SMG5: variants seen among roughly 807,000 people sequenced by gnomAD.
The protein encoded by SMG5 is SMG5 nonsense mediated mRNA decay factor.
SMG5 carries 53 observed loss-of-function variants against 122.9 expected under a neutral mutation model. The observed-to-expected ratio is 0.43, with a 90% CI of 0.35 to 0.54. The LOEUF (loss-of-function observed/expected upper bound fraction) is 0.54, where lower values mean the gene tolerates loss of function less well. Ranked by LOEUF, SMG5 falls within the 20% of genes least tolerant of loss-of-function variation. The pLI is 0.01. For missense variants in SMG5, 1,153 were observed against 1,285.6 expected, an observed-to-expected ratio of 0.90 and a Z score of 1.58; for synonymous variants, 477 against 490.2, an observed-to-expected ratio of 0.97 and a Z score of 0.35.
At position 156,263,556 on chromosome 1, in the gene SMG5, A is replaced by G; in HGVS notation, c.1870T>C (p.Ser624Pro). ...CTGGACTCACTCCCCTCCGACTCAG[A>G]GCCCTCCTCAGAGGCTGGGGGGTGG... ...KPSEPASEEG[S>P]ESEGSESSGR... The change falls in exon 13 of 22, where the codon TCT becomes CCT. Residue 624 changes from serine (S) to proline (P), a missense_variant. Transcript: ENST00000361813. 6.2e-7 allele frequency: 1 copy of G among 1,613,738 alleles called. No individual in the cohort carries two copies. The highest frequency in any genetic ancestry group is 8.5e-7 in the Non-Finnish European group (1 of 1,179,742).
chr1:156,285,200 G>C, upstream of SMG5: 1 of 1,517,184 alleles, frequency 6.6e-7, no homozygotes, highest in South Asian at 1.3e-5. Context: ...ATGACCTTGT[G>C]GTAGATCCCA....
intron 12 of SMG5, among the ~76,000 whole-genome samples, chr1:156,264,363 G>A (rs1394945107): frequency 2.7e-5 from 4 of 149,384 alleles, no homozygotes; most frequent in Non-Finnish European, 5.9e-5. Context: ...TCACATCTCT[G>A]AGCATCCCTC....
chr1:156,265,971 T>G lies in SMG5; in HGVS notation c.1665A>C (p.Pro555=), dbSNP rs755574473. 9 of 1,614,182 alleles carry G rather than the reference T, an allele frequency of 5.6e-6. No individual in the cohort carries two copies. In the South Asian group the frequency reaches 8.8e-5, roughly 16 times the overall value. ...CAATGCTAGCCTCACTGGGGCCCAG[T>G]GGGCCATTGAGGGAATCGGGAGCCT... ...RSEAPDSLNG[P]LGPSEASIAS... Residue 555 remains proline, a synonymous_variant, in exon 12 of 22, where the codon CCA becomes CCC. Transcript: ENST00000361813.
chr1:156,282,483 T>C, intron 1 of SMG5, 124 bp downstream of exon 1: 1 of 1,024,164 alleles, frequency 9.8e-7, no homozygotes, highest in South Asian at 1.5e-5. Context: ...GCCTCCAAAA[T>C]TGCACCCTCC....
At chr1:156,285,252 T>C (rs779757060), upstream of SMG5, 2 of 1,549,430 alleles carry the variant, frequency 1.3e-6, no homozygotes, top group Non-Finnish European at 8.7e-7. Flanking sequence ...ACCCTGGCCC[T>C]ACTGGAAGTG....
intron 8 of SMG5, 29 bp downstream of exon 8, chr1:156,268,261 A>C: frequency 2.5e-6 from 4 of 1,613,914 alleles, no homozygotes; most frequent in Non-Finnish European, 3.4e-6. Flanking sequence ...CTGCAGAAAA[A>C]ACCCGTCCTC....
rs968061335 is a variant in SMG5, at chr1:156,265,668, A to C, written c.1855+113T>G. 3 of 1,468,822 alleles carry C rather than the reference A, an allele frequency of 2.0e-6. No homozygotes were observed. In the African/African-American group the frequency reaches 4.2e-5, roughly 21 times the overall value. 91.0% of individuals were successfully genotyped at this position (1,468,822 alleles called of 1,614,324 possible). A position where few individuals can be genotyped will look rare whatever the true frequency, so the allele number is the denominator to read the frequency against. On this transcript the variant is annotated intron_variant, in intron 12 of 21. Transcript: ENST00000361813. ...GGCTACACCACAGGCAGAGGGCCAA[A>C]GGTAAGGGTAGAGACGAGAGGTCAT...
chr1:156,261,932 T>C (rs542792080), intron 13 of SMG5, among the ~76,000 whole-genome samples: 23 of 146,780 alleles, frequency 1.6e-4, no homozygotes, highest in African/African-American at 5.6e-4. Context: ...CGTGGTGGCA[T>C]GCGCTTGTAG....
chr1:156,252,899 T>C lies in SMG5; in HGVS notation c.2662+20A>G, dbSNP rs1362709772. 3.9e-6 allele frequency: 6 copies of C among 1,556,164 alleles called. No homozygotes were observed. The highest frequency in any genetic ancestry group is 5.2e-6 in the Non-Finnish European group (6 of 1,149,292). On this transcript the variant is annotated intron_variant, in intron 18 of 21. Transcript: ENST00000361813. ...CTCTTTTAGTCATACTCTGTCTCCT[T>C]ACCTCTCCAATGTACTTACCTGTCC... is the stretch of plus-strand genomic sequence containing the variant.
chr1:156,271,499 T>G (rs1174088546), intron 7 of SMG5, among the ~76,000 whole-genome samples: 1 of 152,072 alleles, frequency 6.6e-6, no homozygotes, highest in Non-Finnish European at 1.5e-5. Context: ...TCATGTGCTC[T>G]TGGTTACAGC....
chr1:156,284,589 C>G (rs1376278792), upstream of SMG5, among the ~76,000 whole-genome samples: 1 of 152,132 alleles, frequency 6.6e-6, no homozygotes, highest in Non-Finnish European at 1.5e-5. Flanking sequence ...CCAGGCCCTG[C>G]AGAGATGGAT....
chr1:156,274,801 T>C, intron 4 of SMG5, 115 bp from the exon 5 acceptor site: 1 of 801,200 alleles, frequency 1.2e-6, no homozygotes, highest in South Asian at 1.4e-5. Context: ...CTTGGAACAT[T>C]GTCTTTCAGG....
At chr1:156,274,468 G>T (rs182387889) in intron 5 of SMG5, 129 bp downstream of exon 5, 8 of 784,944 alleles carry the variant, frequency 1.0e-5, no homozygotes, top group South Asian at 1.0e-4. Context: ...AGATGGGAGG[G>T]AAAAAGTTAT....
intron 2 of SMG5, among the ~76,000 whole-genome samples, chr1:156,278,529 C>T (rs1662792547): frequency 6.6e-6 from 1 of 151,998 alleles, no homozygotes; most frequent in Non-Finnish European, 1.5e-5. Flanking sequence ...CCATACTCAA[C>T]TGATTTTTTA....
At chr1:156,260,416 AAAC>A in intron 15 of SMG5, 32 bp downstream of exon 15, 1 of 1,586,012 alleles carries the variant, frequency 6.3e-7, no homozygotes, top group South Asian at 1.2e-5. Context: ...TGTGACTGAC[AAAC>A]AGAGCTGTGG....
At chr1:156,282,013 C>T (rs1012211350) in intron 1 of SMG5, among the ~76,000 whole-genome samples, 1 of 152,198 alleles carries the variant, frequency 6.6e-6, no homozygotes. Context: ...ATCCCAAGAA[C>T]GCTCTGGACA....
chr1:156,266,208 T>G lies in SMG5; in HGVS notation c.1428A>C (p.Glu476Asp). 6.2e-7 allele frequency: 1 copy of G among 1,614,228 alleles called. No homozygotes were observed. The highest frequency in any genetic ancestry group is 8.5e-7 in the Non-Finnish European group (1 of 1,180,038). ...CATGGCTTGAGTCCGATTCAAAGCCTTCACTCAGGTCACTGTCATCACCAA... is the reference window on the plus strand; with the variant it reads ...CATGGCTTGAGTCCGATTCAAAGCCGTCACTCAGGTCACTGTCATCACCAA... ...PKVGDDSDLS[E>D]GFESDSSHDS... is the part of the protein sequence containing the mutation. The change falls in exon 12 of 22, where the codon GAA becomes GAC. Residue 476 changes from glutamate (E) to aspartate (D), a missense_variant. Around this residue, in one of 5 missense-constraint regions of SMG5, gnomAD observed 631 missense variants for 650.6 expected, o/e 0.97. Transcript: ENST00000361813.
Position 156,249,354 on chromosome 1 carries a change from A to G in SMG5, c.*1233T>C, listed in dbSNP as rs1295288619. The stretch of plus-strand genomic sequence containing the variant: ...AGAGGAGAGAGGCAGGAAGCCAACT[A>G]TCCTCTAAGCCACAGCTTGGGAAGC... On this transcript the variant is annotated 3_prime_UTR_variant, in exon 22 of 22. Transcript: ENST00000361813. The G allele has an allele frequency of 8.6e-5, 18 of 208,582 alleles. No individual in the cohort carries two copies. The highest frequency in any genetic ancestry group is 5.3e-4 in the Admixed American group (10 of 18,880). 12.9% of individuals were successfully genotyped at this position (208,582 alleles called of 1,614,324 possible). A position where few individuals can be genotyped will look rare whatever the true frequency, so the allele number is the denominator to read the frequency against.
rs1333651024 is a variant in SMG5 at position 156,263,404 on chromosome 1, C to T, written c.2022G>A (p.Val674=). 6.2e-7 allele frequency: 1 copy of T among 1,613,584 alleles called. No individual in the cohort carries two copies. The highest frequency in any genetic ancestry group is 1.1e-5 in the South Asian group (1 of 91,000). The change falls in exon 13 of 22, where the codon GTG becomes GTA. Residue 674 remains valine (V), a synonymous_variant. Coordinates refer to ENST00000361813, the MANE Select transcript of SMG5 (RefSeq NM_015327.3). ...GAGTGGACTGACACACCTGCGCACA[C>T]ACGATGATGAGGTCGGGGTTGGTCC... ...WLRTNPDLII[V]CAQSSQSLWN... is the part of the protein sequence containing the mutation.
Sources: gnomAD v4.1 joint callset for allele counts (sites outside exome capture counted in the v4.1 genomes callset) on GRCh38, gnomAD v4.1.1 for gene constraint, gnomAD v4.1.1 regional missense constraint, MANE v1.5 for transcripts, NCBI Gene and HGNC (gene_info 2026-07-23, HGNC 2026-07-21) for gene names.